Variants in MKLN1 observed in about 807,000 individuals in gnomAD.
The protein encoded by MKLN1 is muskelin 1.
MKLN1 carries 18 observed loss-of-function variants against 99.0 expected under a neutral mutation model. The observed-to-expected ratio is 0.18, with a 90% confidence interval of 0.13 to 0.27. MKLN1 has a LOEUF of 0.27. MKLN1 is among the 10% of genes least tolerant of loss of function. MKLN1 has a pLI of 1.00. For synonymous variants in MKLN1, 288 were observed against 293.2 expected (o/e 0.98, Z 0.18); for missense variants, 621 against 875.9 (o/e 0.71, Z 3.67).
chr7:131,400,516 A>ATATATATATATAT (rs1186649549), intron 6 of MKLN1, among the ~76,000 whole-genome samples: 1 of 108,080 alleles, frequency 9.3e-6, no homozygotes, highest in South Asian at 2.9e-4. Context: ...CAATAAAAAA[A>ATATATATATATAT]AAATATATAT....
chr7:131,265,561 G>T (rs963676518), intron 3 of MKLN1, among the ~76,000 whole-genome samples: 1 of 152,018 alleles, frequency 6.6e-6, no homozygotes, highest in Non-Finnish European at 1.5e-5. Context: ...ATCAGCCCAG[G>T]GTTTGTTACT....
At chr7:131,241,824 A>T (rs912811957) in intron 3 of MKLN1, among the ~76,000 whole-genome samples, 1 of 152,160 alleles carries the variant, frequency 6.6e-6, no homozygotes, top group African/African-American at 2.4e-5. Context: ...TTCTTTGATT[A>T]CTTTCCCTCA....
intron 3 of MKLN1, among the ~76,000 whole-genome samples, chr7:131,271,017 C>A (rs1797875792): frequency 6.6e-6 from 1 of 152,030 alleles, no homozygotes; most frequent in Non-Finnish European, 1.5e-5. Flanking sequence ...TAAAACTACT[C>A]CTTGCTATTC....
At chr7:131,135,241 G>A (rs1795630406) in intron 1 of MKLN1, among the ~76,000 whole-genome samples, 1 of 152,176 alleles carries the variant, frequency 6.6e-6, no homozygotes, top group South Asian at 2.1e-4. Flanking sequence ...TTCCGCCTCA[G>A]CCTCCCGAGT....
At chr7:131,133,349 C>CT (rs1795589513) in intron 1 of MKLN1, among the ~76,000 whole-genome samples, 1 of 123,164 alleles carries the variant, frequency 8.1e-6, no homozygotes, top group African/African-American at 3.0e-5. Flanking sequence ...TTCTTTCTTT[C>CT]TTTCTTTTTT....
chr7:131,444,644 G>C (rs974787580), intron 11 of MKLN1, among the ~76,000 whole-genome samples: 1 of 151,394 alleles, frequency 6.6e-6, no homozygotes, highest in Non-Finnish European at 1.5e-5. Flanking sequence ...TGAATGTCAG[G>C]GCTCAAATGA....
chr7:131,178,229 G>A (rs1796327810), intron 2 of MKLN1, among the ~76,000 whole-genome samples: 1 of 148,984 alleles, frequency 6.7e-6, no homozygotes. Flanking sequence ...CGATTCTCCT[G>A]CCTCAGCCTC....
At chr7:131,253,277 G>A (rs77299899) in intron 3 of MKLN1, among the ~76,000 whole-genome samples, 1 of 152,110 alleles carries the variant, frequency 6.6e-6, no homozygotes, top group Non-Finnish European at 1.5e-5. Context: ...ATCTGAGGGG[G>A]TGTTGGAAAA....
chr7:131,360,825 A>G (rs984826717), intron 1 of MKLN1, among the ~76,000 whole-genome samples: 4 of 152,166 alleles, frequency 2.6e-5, no homozygotes, highest in Admixed American at 6.6e-5. Flanking sequence ...TCTGCAAGGC[A>G]TGTCTACTGG....
At chr7:131,359,626 TTCTC>T (rs1445498465) in intron 1 of MKLN1, among the ~76,000 whole-genome samples, 2 of 152,178 alleles carry the variant, frequency 1.3e-5, no homozygotes, top group Non-Finnish European at 2.9e-5. Flanking sequence ...TTCTGTCAGT[TTCTC>T]TCTCAAGTAT....
chr7:131,445,397 AAAG>A (rs1268157629), intron 11 of MKLN1, among the ~76,000 whole-genome samples: 5 of 152,094 alleles, frequency 3.3e-5, no homozygotes, highest in African/African-American at 1.2e-4. Context: ...TTTTTCAAAA[AAAG>A]AAGCAATCTC....
chr7:131,386,118 A>G (rs568618895), intron 2 of MKLN1, among the ~76,000 whole-genome samples: 1 of 151,930 alleles, frequency 6.6e-6, no homozygotes, highest in South Asian at 2.1e-4. Context: ...GGTTCAAGCA[A>G]TTCTCCTGCC....
At chr7:131,179,045 T>A (rs993302462) in intron 2 of MKLN1, among the ~76,000 whole-genome samples, 1 of 152,236 alleles carries the variant, frequency 6.6e-6, no homozygotes, top group African/African-American at 2.4e-5. Context: ...AGTTTTCTTC[T>A]GAAGCACTTG....
intron 9 of MKLN1, among the ~76,000 whole-genome samples, chr7:131,430,944 G>A (rs1469372332): frequency 1.3e-5 from 2 of 151,942 alleles, no homozygotes; most frequent in South Asian, 2.1e-4. Flanking sequence ...AAACAAGGCC[G>A]GGCACAGTGG....
At chr7:131,184,741 AG>A (rs1796424967) in intron 2 of MKLN1, among the ~76,000 whole-genome samples, 1 of 152,106 alleles carries the variant, frequency 6.6e-6, no homozygotes, top group African/African-American at 2.4e-5. Flanking sequence ...TGGCCAGGCT[AG>A]TCTCGAACTC....
In MKLN1 at chr7:131,351,077, C is replaced by G. The variant is rs1026212178; in HGVS notation, c.98+23080C>G. Among the ~76,000 whole-genome samples the G allele has an allele frequency of 6.6e-5, 10 of 152,156 alleles. No individual in the cohort carries two copies. The East Asian group carries it at 1.7e-3, about 27-fold the overall frequency. On this transcript the variant is annotated intron_variant, in intron 1 of 17. Coordinates refer to ENST00000352689, the MANE Select transcript of MKLN1 (RefSeq NM_013255.5). ...TTGTTGTTATGTCCCTTTTACAATT[C>G]TTTTTATCAAGAGTTCTTCCATTAG...
rs192138807 is a variant in MKLN1, at chr7:131,235,646, A to G, written c.-179+32672A>G. Among the ~76,000 whole-genome samples the G allele has an allele frequency of 2.1e-4, 32 of 152,316 alleles. No individual in the cohort carries two copies. In the East Asian group the frequency reaches 5.4e-3, roughly 26 times the overall value. On this transcript the variant is annotated intron_variant, in intron 3 of 7. Coordinates refer to the MKLN1 transcript ENST00000416992. ...GGAGCAAAATCTCGGGGATGTAAAT[A>G]GGACTTCACTGTGAACTTATATATG...
At chr7:131,287,029 A>G (rs1429706166) in intron 3 of MKLN1, among the ~76,000 whole-genome samples, 2 of 152,208 alleles carry the variant, frequency 1.3e-5, no homozygotes, top group African/African-American at 2.4e-5. Flanking sequence ...TTGAGCCCTA[A>G]AGATTGAGGC....
chr7:131,445,788 A>G lies in MKLN1; in HGVS notation c.1410A>G (p.Leu470=), dbSNP rs774561564. The stretch of plus-strand genomic sequence containing the variant: ...TTCTTTTTCAGAAAAATCGTTGCTT[A>G]TATGTATTTGGTGGCCAGCGATCAA... ...CMLFHSKNRC[L]YVFGGQRSKT... Residue 470 remains leucine (L), a synonymous_variant, in exon 12 of 18, where the codon TTA becomes TTG. Transcript: ENST00000352689. 9 of 1,592,038 alleles carry G rather than the reference A, an allele frequency of 5.7e-6. No homozygotes were observed. The highest frequency in any genetic ancestry group is 6.8e-6 in the Non-Finnish European group (8 of 1,169,754).
Sources: allele counts gnomAD v4.1 joint callset (sites outside exome capture counted in the v4.1 genomes callset), GRCh38; gene constraint gnomAD v4.1.1; transcripts MANE v1.5; gene names NCBI Gene and HGNC (gene_info 2026-07-23, HGNC 2026-07-21).